Variants in KIRREL3 observed in about 807,000 individuals in gnomAD.
KIRREL3 encodes the protein kirre like nephrin family adhesion molecule 3, also known as kin of IRRE-like protein 3.
A neutral mutation model predicts 89.7 loss-of-function variants in KIRREL3; 36 were observed. That is an observed-to-expected ratio of 0.40 (90% confidence interval 0.31 to 0.53). The LOEUF is 0.53. Among genes scored for constraint, KIRREL3 ranks in the 20% least tolerant of loss-of-function variants. KIRREL3 has a pLI of 0.49. For synonymous variants in KIRREL3, 445 were observed against 441.4 expected, an observed-to-expected ratio of 1.01 and a Z score of -0.10; for missense variants, 864 against 1,056.6, an observed-to-expected ratio of 0.82 and a Z score of 2.53.
chr11:126,827,951 A>T (rs552966649), intron 1 of KIRREL3, among the ~76,000 whole-genome samples: 1 of 152,262 alleles, frequency 6.6e-6, no homozygotes, highest in Admixed American at 6.5e-5. Context: ...AATGACTTGG[A>T]TCCAATCTTA....
chr11:126,461,018 C>T (rs988942913), intron 6 of KIRREL3, among the ~76,000 whole-genome samples: 1 of 152,182 alleles, frequency 6.6e-6, no homozygotes, highest in African/African-American at 2.4e-5. Flanking sequence ...CTCTGTGTCT[C>T]CCGCCCTCTC....
In KIRREL3 at chr11:126,495,903, C is replaced by T. The variant is rs750802543; in HGVS notation, c.434-22437G>A. 1.3e-5 allele frequency among the ~76,000 whole-genome samples: 2 copies of T among 152,228 alleles called. No homozygotes were observed. The highest frequency in any genetic ancestry group is 2.4e-5 in the African/African-American group (1 of 41,466). ...ATTGTCCTTGACTTGCCCTTTCTCT[C>T]GTATCCTAATTGCTGTGGGCTCCAC... On this transcript the variant is annotated intron_variant, in intron 4 of 16. Coordinates refer to ENST00000525144, the MANE Select transcript of KIRREL3 (RefSeq NM_032531.4). The surrounding 1 kb of genome is among the most constrained non-coding windows in gnomAD (Gnocchi z 6.5).
rs938583154 is a variant in KIRREL3 at position 126,912,921 on chromosome 11, C to G, written c.55+87534G>C. ...CAGAGGAGGGCATGCAGAGTGGTGACACCTGGGGTGCACCCATCAGTCTAA... is the reference window on the plus strand; with the variant it reads ...CAGAGGAGGGCATGCAGAGTGGTGAGACCTGGGGTGCACCCATCAGTCTAA... On this transcript the variant is annotated intron_variant, in intron 1 of 16. Coordinates refer to ENST00000525144, the MANE Select transcript of KIRREL3 (RefSeq NM_032531.4). The surrounding 1 kb of genome is among the most constrained non-coding windows in gnomAD (Gnocchi z 4.7). Among the ~76,000 whole-genome samples, 2 of 152,202 alleles carry G rather than the reference C, an allele frequency of 1.3e-5. No individual in the cohort carries two copies. Among genetic ancestry groups the G allele is most frequent in the Non-Finnish European group, 2.9e-5 (2 of 68,050 alleles).
At position 126,520,342 on chromosome 11, in the gene KIRREL3, G is replaced by A. The variant is rs749220244; in HGVS notation, c.433+973C>T. Among the ~76,000 whole-genome samples, 4 of 152,160 alleles carry A rather than the reference G, an allele frequency of 2.6e-5. No homozygotes were observed. Among genetic ancestry groups the A allele is most frequent in the Admixed American group, 6.5e-5 (1 of 15,282 alleles). ...ACAGACTCACGTGTAAGGGGGCAGC[G>A]AGGTGGGGCAGGTAGCCCTGGAGCC... On this transcript the variant is annotated intron_variant, in intron 4 of 16. Transcript: ENST00000525144. This position sits in a 1 kb window ranked among gnomAD's most constrained non-coding sequence, Gnocchi z 4.9.
intron 1 of KIRREL3, among the ~76,000 whole-genome samples, chr11:126,933,769 C>A (rs1228850130): frequency 1.3e-5 from 1 of 74,816 alleles, no homozygotes; most frequent in African/African-American, 6.4e-5. Context: ...GTACAATTCC[C>A]ACCAAAAAGG....
intron 8 of KIRREL3, 41 bp downstream of exon 8, chr11:126,448,968 G>C (rs760138612): frequency 1.3e-6 from 2 of 1,562,334 alleles, no homozygotes; most frequent in Non-Finnish European, 1.7e-6. Flanking sequence ...GAAACCAGTG[G>C]ATGCCTGCTC....
rs527641233 is a variant in KIRREL3, at chr11:126,983,362, G to A, written c.55+17093C>T. Among the ~76,000 whole-genome samples, 4 of 152,322 alleles carry A rather than the reference G, an allele frequency of 2.6e-5. No individual in the cohort carries two copies. Among genetic ancestry groups the A allele is most frequent in the Admixed American group, 6.5e-5 (1 of 15,306 alleles). On this transcript the variant is annotated intron_variant, in intron 1 of 16. Transcript: ENST00000525144. The surrounding 1 kb of genome is among the most constrained non-coding windows in gnomAD (Gnocchi z 4.9). ...TTCTGAAAGGGAGGGCTCATCTAAC[G>A]TCTGCCTTTGGTTCTTGCGGTAGAC...
At chr11:126,741,031 C>T (rs1191937032) in intron 1 of KIRREL3, among the ~76,000 whole-genome samples, 2 of 152,156 alleles carry the variant, frequency 1.3e-5, no homozygotes, top group African/African-American at 2.4e-5. Flanking sequence ...CCTGCAGACC[C>T]GGAATGGAAA....
intron 1 of KIRREL3, among the ~76,000 whole-genome samples, chr11:126,902,226 G>A (rs1946402335): frequency 6.6e-6 from 1 of 152,130 alleles, no homozygotes; most frequent in Non-Finnish European, 1.5e-5. Flanking sequence ...CATTGATGCT[G>A]GCAAGGAAAT....
Position 126,622,280 on chromosome 11 carries a change from C to T in KIRREL3, c.56-59368G>A, listed in dbSNP as rs1351409848. 6.6e-6 allele frequency among the ~76,000 whole-genome samples: 1 copy of T among 152,144 alleles called. No individual in the cohort carries two copies. Among genetic ancestry groups the T allele is most frequent in the Non-Finnish European group, 1.5e-5 (1 of 68,024 alleles). On this transcript the variant is annotated intron_variant, in intron 1 of 16. Coordinates refer to ENST00000525144, the MANE Select transcript of KIRREL3 (RefSeq NM_032531.4). This position sits in a 1 kb window ranked among gnomAD's most constrained non-coding sequence, Gnocchi z 5.2. ...CTGTTTTAATTACTTTTTCAAGGTG[C>T]CTTCTAAATGTTAAAAATGGTGACA...
chr11:126,922,001 A>G (rs1185580980), intron 1 of KIRREL3, among the ~76,000 whole-genome samples: 1 of 133,798 alleles, frequency 7.5e-6, no homozygotes, highest in Non-Finnish European at 1.6e-5. Flanking sequence ...CTATCTATCT[A>G]TCTATCATCT....
rs1467660137 is a variant in KIRREL3 at position 126,736,069 on chromosome 11, A to G, written c.56-173157T>C. Reference sequence around the variant, plus strand: ...CTGCCTAGCGTAGTGCCTAGCAGAGAGTACATGTTGAATACATTTATTAGT... The same window carrying G: ...CTGCCTAGCGTAGTGCCTAGCAGAGGGTACATGTTGAATACATTTATTAGT... On this transcript the variant is annotated intron_variant, in intron 1 of 16. Transcript: ENST00000525144. The surrounding 1 kb of genome is among the most constrained non-coding windows in gnomAD (Gnocchi z 5.0). Among the ~76,000 whole-genome samples, 1 of 152,188 alleles carries G rather than the reference A, an allele frequency of 6.6e-6. No individual in the cohort carries two copies. The highest frequency in any genetic ancestry group is 2.4e-5 in the African/African-American group (1 of 41,446).
chr11:126,579,032 G>A lies in KIRREL3; in HGVS notation c.56-16120C>T, dbSNP rs531637935. 6.6e-6 allele frequency among the ~76,000 whole-genome samples: 1 copy of A among 152,170 alleles called. No homozygotes were observed. The highest frequency in any genetic ancestry group is 1.9e-4 in the East Asian group (1 of 5,150). The stretch of plus-strand genomic sequence containing the variant: ...CCACACAGCAACAGAACCAGACCTC[G>A]ATCAAACCCAAAGCCCGTGCTCTGT... On this transcript the variant is annotated intron_variant, in intron 1 of 16. Coordinates refer to ENST00000525144, the MANE Select transcript of KIRREL3 (RefSeq NM_032531.4). The surrounding 1 kb of genome is among the most constrained non-coding windows in gnomAD (Gnocchi z 5.3).
At position 126,643,029 on chromosome 11, in the gene KIRREL3, T is replaced by C. The variant is rs575650719; in HGVS notation, c.56-80117A>G. ...ATCCATCCATCCATCTATCCATCCA[T>C]CCAATGCAAGGCATATTGTAATAAA... On this transcript the variant is annotated intron_variant, in intron 1 of 16. Transcript: ENST00000525144. This position sits in a 1 kb window ranked among gnomAD's most constrained non-coding sequence, Gnocchi z 4.5. 7.9e-5 allele frequency among the ~76,000 whole-genome samples: 12 copies of C among 152,114 alleles called. No individual in the cohort carries two copies. The highest frequency in any genetic ancestry group is 2.7e-4 in the African/African-American group (11 of 41,502).
chr11:126,766,475 A>G lies in KIRREL3; in HGVS notation c.56-203563T>C, dbSNP rs1293768124. 6.6e-6 allele frequency among the ~76,000 whole-genome samples: 1 copy of G among 151,544 alleles called. No individual in the cohort carries two copies. The highest frequency in any genetic ancestry group is 1.5e-5 in the Non-Finnish European group (1 of 67,864). Reference sequence around the variant, plus strand: ...GCATTGTCCCTTTTCTTTCTCTTTTATTCTATTAAAAAGGTAAGTGAGCAC... The same window carrying G: ...GCATTGTCCCTTTTCTTTCTCTTTTGTTCTATTAAAAAGGTAAGTGAGCAC... On this transcript the variant is annotated intron_variant, in intron 1 of 16. Coordinates refer to ENST00000525144, the MANE Select transcript of KIRREL3 (RefSeq NM_032531.4). The surrounding 1 kb of genome is among the most constrained non-coding windows in gnomAD (Gnocchi z 4.2).
rs781605650 is a variant in KIRREL3, at chr11:126,624,236, T to C, written c.56-61324A>G. Among the ~76,000 whole-genome samples the C allele has an allele frequency of 9.2e-5, 14 of 152,068 alleles. No individual in the cohort carries two copies. Among genetic ancestry groups the C allele is most frequent in the Non-Finnish European group, 1.9e-4 (13 of 67,986 alleles). On this transcript the variant is annotated intron_variant, in intron 1 of 16. Coordinates refer to ENST00000525144, the MANE Select transcript of KIRREL3 (RefSeq NM_032531.4). This position sits in a 1 kb window ranked among gnomAD's most constrained non-coding sequence, Gnocchi z 6.0. ...GCGGGGAGGAGGCCAGAATGAAAGA[T>C]AGGAGGATCAGAGAATGGTGATAAG... is the stretch of plus-strand genomic sequence containing the variant.
chr11:126,592,450 G>A (rs574143184), intron 1 of KIRREL3, among the ~76,000 whole-genome samples: 8 of 152,196 alleles, frequency 5.3e-5, no homozygotes, highest in Non-Finnish European at 8.8e-5. Context: ...AGTGGAAGGA[G>A]CTGAGATCTG....
chr11:126,557,446 A>G lies in KIRREL3; in HGVS notation c.133+5389T>C, dbSNP rs139359482. The stretch of plus-strand genomic sequence containing the variant: ...CCAAGATAGATTTTTGAATCATCAC[A>G]TTTTAGAGACATACAGGTCATCTTA... On this transcript the variant is annotated intron_variant, in intron 2 of 16. Coordinates refer to ENST00000525144, the MANE Select transcript of KIRREL3 (RefSeq NM_032531.4). This position sits in a 1 kb window ranked among gnomAD's most constrained non-coding sequence, Gnocchi z 5.6. 8.3e-4 allele frequency among the ~76,000 whole-genome samples: 127 copies of G among 152,292 alleles called. No individual in the cohort carries two copies. The highest frequency in any genetic ancestry group is 2.7e-3 in the African/African-American group (113 of 41,550).
At chr11:126,881,361 G>A (rs1429452840) in intron 1 of KIRREL3, among the ~76,000 whole-genome samples, 10 of 152,004 alleles carry the variant, frequency 6.6e-5, no homozygotes, top group Non-Finnish European at 1.2e-4. Flanking sequence ...GCCCACAAAC[G>A]GGCTGGCATT....
Sources: allele counts gnomAD v4.1 joint callset (sites outside exome capture counted in the v4.1 genomes callset), GRCh38; gene constraint gnomAD v4.1.1; non-coding constraint Gnocchi (gnomAD v3.1); transcripts MANE v1.5; gene names NCBI Gene and HGNC (gene_info 2026-07-23, HGNC 2026-07-21).